The following HSPG2 variants were observed in gnomAD, a reference collection of about 807,000 sequenced individuals.
HSPG2 encodes the protein basement membrane-specific heparan sulfate proteoglycan core protein.
A neutral mutation model predicts 526.6 loss-of-function variants in HSPG2; 278 were observed. The ratio of observed to expected loss-of-function variants is 0.53; its 90% confidence interval spans 0.48 to 0.58. The LOEUF (loss-of-function observed/expected upper bound fraction) is 0.58, where lower values mean the gene tolerates loss of function less well. Among genes scored for constraint, HSPG2 ranks in the 20% least tolerant of loss-of-function variants. HSPG2 has a pLI of 0.00. For missense variants in HSPG2, 5,354 were observed against 6,099.5 expected (o/e 0.88, Z 4.07); for synonymous variants, 2,465 against 2,555.4 (o/e 0.96, Z 1.07).
Position 21,834,884 on chromosome 1 carries a change from G to A in HSPG2, c.10515C>T (p.Ala3505=), listed in dbSNP as rs763918034. ...TSVQTVVVGH[A]VEFECLALGD... ...CCAGTGCCAGGCATTCGAACTCCAC[G>A]GCGTGGCCAACCACCACGGTCTGCA... Residue 3505 remains alanine (A), a synonymous_variant, in exon 77 of 97, where the codon GCC becomes GCT. Transcript: ENST00000374695. 28 of 1,613,586 alleles carry A rather than the reference G, an allele frequency of 1.7e-5. No individual in the cohort carries two copies. Among genetic ancestry groups the A allele is most frequent in the South Asian group, 5.5e-5 (5 of 91,068 alleles).
Position 21,828,379 on chromosome 1 carries a change from G to A in HSPG2, c.12285C>T (p.Gly4095=). The change falls in exon 89 of 97, where the codon GGC becomes GGT. Residue 4095 remains glycine, a synonymous_variant. Transcript: ENST00000374695. This position sits in a 1 kb window ranked among gnomAD's most constrained non-coding sequence, Gnocchi z 6.0. ...KRLDLTYSFL[G]SQGIGQCYDS... The stretch of plus-strand genomic sequence containing the variant: ...CATAGCATTGCCCGATGCCCTGGCT[G>A]CCTAGGAAACTGTAGGTGAGGTCCA... The A allele has an allele frequency of 6.2e-7, 1 of 1,613,804 alleles. No individual in the cohort carries two copies. Among genetic ancestry groups the A allele is most frequent in the Non-Finnish European group, 8.5e-7 (1 of 1,180,008 alleles).
intron 19 of HSPG2, 24 bp downstream of exon 19, chr1:21,878,553 G>A (rs766957588): frequency 6.2e-7 from 1 of 1,613,916 alleles, no homozygotes; most frequent in Non-Finnish European, 8.5e-7. Context: ...CCCCCTTCCT[G>A]CAGCCCCCAA....
chr1:21,931,188 G>C (rs979986587), intron 1 of HSPG2, among the ~76,000 whole-genome samples: 9 of 152,172 alleles, frequency 5.9e-5, no homozygotes, highest in Non-Finnish European at 8.8e-5. Context: ...CAGCACCCCC[G>C]ACCCGGCCAC....
intron 65 of HSPG2, 141 bp from the exon 66 acceptor site, chr1:21,843,579 T>G: frequency 1.3e-6 from 1 of 797,828 alleles, no homozygotes; most frequent in Non-Finnish European, 2.0e-6. Flanking sequence ...CAGTCCGCAT[T>G]GTGGAGGGCA....
At chr1:21,835,494 A>C in intron 76 of HSPG2, 46 bp downstream of exon 76, 2 of 1,295,954 alleles carry the variant, frequency 1.5e-6, no homozygotes, top group Non-Finnish European at 2.2e-6. Flanking sequence ...TGCCTTTCTC[A>C]TCTCTGTTCC....
At chr1:21,850,520 C>T in intron 55 of HSPG2, 22 bp from the exon 56 acceptor site, 1 of 1,591,452 alleles carries the variant, frequency 6.3e-7, no homozygotes, top group Non-Finnish European at 8.6e-7. Flanking sequence ...GGGGGTGAGT[C>T]AGAGGGAGCC....
intron 1 of HSPG2, among the ~76,000 whole-genome samples, chr1:21,927,704 C>G (rs903515188): frequency 6.6e-6 from 1 of 152,202 alleles, no homozygotes; most frequent in Admixed American, 6.5e-5. Context: ...GGTGTGCCCC[C>G]CTCCTTCTCC....
chr1:21,889,778 G>A (rs1175697876), intron 6 of HSPG2: 1 of 618,390 alleles, frequency 1.6e-6, no homozygotes. Context: ...AGCAGAACTC[G>A]GGTCTAACGG....
chr1:21,850,733 G>T lies in HSPG2; in HGVS notation c.7159-235C>A, dbSNP rs146080512. On this transcript the variant is annotated intron_variant, in intron 55 of 96. Transcript: ENST00000374695. ...CCCATCAATTCTAGACACACATTTC[G>T]ATGTCTCCAAAATCAAGATGCATCT... Among the ~76,000 whole-genome samples the T allele has an allele frequency of 2.7e-4, 41 of 152,272 alleles. No individual in the cohort carries two copies. The East Asian group carries it at 6.4e-3, about 24-fold the overall frequency.
At chr1:21,903,501 T>C (rs1281209107) in intron 1 of HSPG2, among the ~76,000 whole-genome samples, 1 of 152,126 alleles carries the variant, frequency 6.6e-6, no homozygotes, top group East Asian at 1.9e-4. Flanking sequence ...CCCTGGAGGC[T>C]GAGGCAGGAG....
At chr1:21,919,136 C>G (rs921433748) in intron 1 of HSPG2, among the ~76,000 whole-genome samples, 1 of 152,204 alleles carries the variant, frequency 6.6e-6, no homozygotes, top group African/African-American at 2.4e-5. Context: ...CTGATTAAGT[C>G]TCAAAGGGGC....
At position 21,831,279 on chromosome 1, in the gene HSPG2, T is replaced by C; in HGVS notation, c.11498A>G (p.His3833Arg). Reference protein sequence around the residue: ...LRIQGEEIVFHDLNLTAHGIS... With the variant: ...LRIQGEEIVFRDLNLTAHGIS... ...GCCGTGCGCCGTGAGGTTGAGGTCA[T>C]GGAAGACGATCTCCTCGCCCTGGAT... Residue 3833 changes from histidine to arginine, a missense_variant, in exon 84 of 97, where the codon CAT becomes CGT. Transcript: ENST00000374695. The C allele has an allele frequency of 4.3e-6, 7 of 1,614,008 alleles. No individual in the cohort carries two copies. Among genetic ancestry groups the C allele is most frequent in the South Asian group, 1.1e-5 (1 of 91,084 alleles).
chr1:21,913,938 T>C (rs1170485966), intron 1 of HSPG2, among the ~76,000 whole-genome samples: 4 of 152,202 alleles, frequency 2.6e-5, no homozygotes, highest in Non-Finnish European at 5.9e-5. Flanking sequence ...CCTTCCGCCC[T>C]CAATTCTAAT....
Position 21,876,055 on chromosome 1 carries a change from T to G in HSPG2, c.3004-13A>C. The G allele has an allele frequency of 6.2e-7, 1 of 1,613,620 alleles. No individual in the cohort carries two copies. The highest frequency in any genetic ancestry group is 1.1e-5 in the South Asian group (1 of 91,074). On this transcript the variant is annotated splice_polypyrimidine_tract_variant and intron_variant, in intron 23 of 96. Transcript: ENST00000374695. ...CATAGGAGGTCACCTGGGACCAGGG[T>G]TAGACAGGAGCTTGCGGAGGCCTGA...
intron 1 of HSPG2, among the ~76,000 whole-genome samples, chr1:21,929,307 G>A (rs34418356): frequency 1.2e-3 from 190 of 152,318 alleles, no homozygotes; most frequent in Admixed American, 2.1e-3. Flanking sequence ...GGGTGGGGAC[G>A]GGGGAGCTCC....
At chr1:21,899,353 G>GTCCTTCT (rs1642964596) in intron 1 of HSPG2, among the ~76,000 whole-genome samples, 6 of 152,134 alleles carry the variant, frequency 3.9e-5, no homozygotes, top group Non-Finnish European at 7.4e-5. Context: ...AAGGACCTTG[G>GTCCTTCT]ACCCAGAAAG....
Position 21,839,124 on chromosome 1 carries a change from A to G in HSPG2, c.9890-39T>C, listed in dbSNP as rs765287503. 3.2e-6 allele frequency: 5 copies of G among 1,556,474 alleles called. No individual in the cohort carries two copies. Among genetic ancestry groups the G allele is most frequent in the Non-Finnish European group, 4.4e-6 (5 of 1,148,472 alleles). On this transcript the variant is annotated intron_variant, in intron 73 of 96. Coordinates refer to ENST00000374695, the MANE Select transcript of HSPG2 (RefSeq NM_005529.7). This position sits in a 1 kb window ranked among gnomAD's most constrained non-coding sequence, Gnocchi z 4.5. ...CACAGAGGTCAGGATTGGGGAGGGC[A>G]AAGGTCAGAATGGCAGCAGGTCGTT... is the stretch of plus-strand genomic sequence containing the variant.
In HSPG2 at chr1:21,831,451, GA is replaced by G. The variant is rs930061304; in HGVS notation, c.11452+11del. 1.6e-5 allele frequency: 25 copies of G among 1,612,762 alleles called. No individual in the cohort carries two copies. The highest frequency in any genetic ancestry group is 2.0e-5 in the Non-Finnish European group (24 of 1,178,958). ...AGGCCCAGCCTCAGCTGGAGGTGGGGAGGGGGCTCACCTATGAAGCCGCTGC... is the reference window on the plus strand; with the variant it reads ...AGGCCCAGCCTCAGCTGGAGGTGGGGGGGGGCTCACCTATGAAGCCGCTGC... On this transcript the variant is annotated intron_variant, in intron 83 of 96. Coordinates refer to ENST00000374695, the MANE Select transcript of HSPG2 (RefSeq NM_005529.7).
At chr1:21,868,894 C>A (rs1640439760) in intron 33 of HSPG2, 1 of 978,230 alleles carries the variant, frequency 1.0e-6, no homozygotes, top group Admixed American at 6.2e-5. Flanking sequence ...CCTTGTCCCC[C>A]AGGAAGGCCC....
Sources: gnomAD v4.1 joint callset for allele counts (sites outside exome capture counted in the v4.1 genomes callset) on GRCh38, gnomAD v4.1.1 for gene constraint, Gnocchi (gnomAD v3.1) non-coding constraint, MANE v1.5 for transcripts, NCBI Gene and HGNC (gene_info 2026-07-23, HGNC 2026-07-21) for gene names.